Variants in KCND3 observed in about 807,000 individuals in gnomAD.
The protein encoded by KCND3 is A-type voltage-gated potassium channel KCND3.
Under a neutral mutation model 51.1 loss-of-function variants are expected in KCND3, and 9 were observed. The observed-to-expected ratio is 0.18, with a 90% CI of 0.11 to 0.31. KCND3 has a LOEUF of 0.31. KCND3 is among the 10% of genes least tolerant of loss of function. KCND3 has a pLI of 1.00. For synonymous variants in KCND3, 349 were observed against 368.0 expected (o/e 0.95, Z 0.59); for missense variants, 526 against 903.8 (o/e 0.58, Z 5.36).
At chr1:111,783,429 G>A (rs1341935765) in intron 3 of KCND3, among the ~76,000 whole-genome samples, 1 of 152,208 alleles carries the variant, frequency 6.6e-6, no homozygotes, top group Admixed American at 6.5e-5. Context: ...GGTTGGAGGA[G>A]AGGGGATCTG....
At chr1:111,791,848 C>T (rs71673436) in intron 2 of KCND3, among the ~76,000 whole-genome samples, 80 of 152,152 alleles carry the variant, frequency 5.3e-4, no homozygotes, top group Non-Finnish European at 8.2e-4. Context: ...TGGGAAGGAC[C>T]TGGTTTAAAA....
chr1:111,918,963 G>A (rs1671353532), intron 2 of KCND3, among the ~76,000 whole-genome samples: 1 of 151,808 alleles, frequency 6.6e-6, no homozygotes, highest in Non-Finnish European at 1.5e-5. Context: ...GGGTGAAGAG[G>A]GGAGCTGTCC....
chr1:111,854,941 C>T (rs1667991498), intron 2 of KCND3, among the ~76,000 whole-genome samples: 1 of 152,188 alleles, frequency 6.6e-6, no homozygotes. Flanking sequence ...GAGAATCTCA[C>T]TCACATTTCC....
At chr1:111,974,110 T>C (rs547549935) in intron 2 of KCND3, among the ~76,000 whole-genome samples, 1 of 152,202 alleles carries the variant, frequency 6.6e-6, no homozygotes, top group African/African-American at 2.4e-5. Flanking sequence ...CATACACCCA[T>C]CATTTGCATT....
intron 2 of KCND3, among the ~76,000 whole-genome samples, chr1:111,912,205 T>G (rs941731955): frequency 6.6e-6 from 1 of 152,252 alleles, no homozygotes; most frequent in African/African-American, 2.4e-5. Flanking sequence ...GTGTGCTGCA[T>G]AGCAATGTTT....
chr1:111,818,073 C>CAA (rs1225438773), intron 2 of KCND3, among the ~76,000 whole-genome samples: 3 of 147,130 alleles, frequency 2.0e-5, no homozygotes, highest in Admixed American at 1.3e-4. Context: ...CACACACACA[C>CAA]ACACAGAATT....
intron 2 of KCND3, among the ~76,000 whole-genome samples, chr1:111,930,995 G>GTA (rs757688699): frequency 6.6e-6 from 1 of 152,304 alleles, no homozygotes. Flanking sequence ...CGACACCCCT[G>GTA]TCTTTGTGAT....
At chr1:111,857,610 G>T (rs1437790610) in intron 2 of KCND3, among the ~76,000 whole-genome samples, 1 of 151,732 alleles carries the variant, frequency 6.6e-6, no homozygotes, top group African/African-American at 2.4e-5. Flanking sequence ...CAGCCCTCCA[G>T]GGGACTCCAG....
intron 2 of KCND3, among the ~76,000 whole-genome samples, chr1:111,955,755 A>G (rs1438174326): frequency 6.6e-6 from 1 of 152,228 alleles, no homozygotes; most frequent in African/African-American, 2.4e-5. Flanking sequence ...TTTTTGAATC[A>G]TATGGATGAA....
intron 2 of KCND3, among the ~76,000 whole-genome samples, chr1:111,934,674 C>T (rs940105069): frequency 5.9e-5 from 9 of 152,284 alleles, no homozygotes; most frequent in East Asian, 5.8e-4. Flanking sequence ...CATGTGTGTG[C>T]GTACTCTGAA....
At chr1:111,944,488 C>A (rs1424630893) in intron 2 of KCND3, among the ~76,000 whole-genome samples, 2 of 152,228 alleles carry the variant, frequency 1.3e-5, no homozygotes, top group Non-Finnish European at 2.9e-5. Flanking sequence ...TCTGTCATTT[C>A]CCCCAGTAGA....
chr1:111,934,779 A>G (rs980086122), intron 2 of KCND3, among the ~76,000 whole-genome samples: 1 of 152,192 alleles, frequency 6.6e-6, no homozygotes, highest in Non-Finnish European at 1.5e-5. Flanking sequence ...TTGGTCATCT[A>G]GCAGTTCGGT....
At chr1:111,825,392 A>G (rs1020098623) in intron 2 of KCND3, among the ~76,000 whole-genome samples, 6 of 152,314 alleles carry the variant, frequency 3.9e-5, no homozygotes, top group Admixed American at 2.6e-4. Flanking sequence ...CCATGTTCAC[A>G]CAGTACAAGT....
At position 111,778,103 on chromosome 1, in the gene KCND3, C is replaced by T. The variant is rs751022619; in HGVS notation, c.1518+333G>A. Among the ~76,000 whole-genome samples, 12 of 152,158 alleles carry T rather than the reference C, an allele frequency of 7.9e-5. 1 individual carries two copies. The highest frequency in any genetic ancestry group is 2.2e-4 in the African/African-American group (9 of 41,430). On this transcript the variant is annotated intron_variant, in intron 6 of 7. Transcript: ENST00000302127. ...AGAGTTCAGGGAAAGACCAGCCTGG[C>T]GGCAAATACCAGGAGTCCCCACGGA... is the stretch of plus-strand genomic sequence containing the variant.
At chr1:111,879,473 G>T (rs958376602) in intron 2 of KCND3, among the ~76,000 whole-genome samples, 10 of 152,294 alleles carry the variant, frequency 6.6e-5, no homozygotes, top group African/African-American at 2.4e-4. Flanking sequence ...TCTAGATATG[G>T]CCTGTTTTTC....
intron 1 of KCND3, among the ~76,000 whole-genome samples, chr1:111,984,956 A>G (rs1675187432): frequency 6.6e-6 from 1 of 152,160 alleles, no homozygotes; most frequent in African/African-American, 2.4e-5. Flanking sequence ...ATCACCCCGC[A>G]GCTAGGATTA....
chr1:111,945,248 C>T (rs952841078), intron 2 of KCND3, among the ~76,000 whole-genome samples: 3 of 152,208 alleles, frequency 2.0e-5, no homozygotes. Context: ...TCGAGGTACA[C>T]CAGCACAACC....
At chr1:111,814,876 T>C (rs1311600533) in intron 2 of KCND3, among the ~76,000 whole-genome samples, 1 of 152,132 alleles carries the variant, frequency 6.6e-6, no homozygotes, top group Non-Finnish European at 1.5e-5. Flanking sequence ...TCCACCAGAG[T>C]CCCTAGGATG....
chr1:111,830,190 T>C (rs1666770965), intron 2 of KCND3, among the ~76,000 whole-genome samples: 1 of 152,236 alleles, frequency 6.6e-6, no homozygotes, highest in Non-Finnish European at 1.5e-5. Context: ...AGGAGCTCAA[T>C]ACATATCAAT....
Sources: allele counts gnomAD v4.1 joint callset (sites outside exome capture counted in the v4.1 genomes callset), GRCh38; gene constraint gnomAD v4.1.1; transcripts MANE v1.5; gene names NCBI Gene and HGNC (gene_info 2026-07-23, HGNC 2026-07-21).